The following DISP1 variants were observed in gnomAD, a reference collection of about 807,000 sequenced individuals.
DISP1 encodes the protein dispatched RND transporter family member 1.
Under a neutral mutation model 37.3 loss-of-function variants are expected in DISP1, and 30 were observed. The observed-to-expected ratio is 0.80, with a 90% CI of 0.60 to 1.09. DISP1 has a LOEUF of 1.09. Among genes scored for constraint, DISP1 ranks in the 50% least tolerant of loss-of-function variants. The probability of loss-of-function intolerance (pLI) is 0.00; values close to 1 mark genes in which losing one functional copy is unlikely to be tolerated. For synonymous variants in DISP1, 634 were observed against 690.2 expected (o/e 0.92, Z 1.28); for missense variants, 1,598 against 1,879.5 (o/e 0.85, Z 2.77).
At chr1:222,981,300 G>T (rs1677817246) in intron 3 of DISP1, among the ~76,000 whole-genome samples, 2 of 43,146 alleles carry the variant, frequency 4.6e-5, no homozygotes, top group Non-Finnish European at 1.3e-4. Context: ...CTATTAAGAT[G>T]CTGAGAGACC....
chr1:222,991,919 G>A, intron 6 of DISP1, 94 bp from the exon 7 acceptor site: 1 of 1,005,584 alleles, frequency 9.9e-7, no homozygotes, highest in South Asian at 1.4e-5. Context: ...GGACTAAGCA[G>A]GTCATGGCTT....
chr1:222,936,787 T>A (rs1412977025), intron 2 of DISP1, among the ~76,000 whole-genome samples: 1 of 55,122 alleles, frequency 1.8e-5, no homozygotes, highest in Non-Finnish European at 3.6e-5. Context: ...TCATATATAA[T>A]ATATATAATA....
chr1:222,837,859 G>A (rs1041778086), intron 1 of DISP1, among the ~76,000 whole-genome samples: 3 of 152,072 alleles, frequency 2.0e-5, no homozygotes, highest in Admixed American at 1.3e-4. Context: ...GTTATAAAAC[G>A]TTGTTTCTCA....
Position 222,990,671 on chromosome 1 carries a change from T to A in DISP1, c.586T>A (p.Cys196Ser). The A allele has an allele frequency of 6.2e-7, 1 of 1,614,162 alleles. No homozygotes were observed. The highest frequency in any genetic ancestry group is 2.2e-5 in the East Asian group (1 of 44,872). Reference sequence around the variant, plus strand: ...CTGGCCGGTGGTGGTCTTGGGCATGTGCACCATGTTCATCGTAGTCTGTGC... The same window carrying A: ...CTGGCCGGTGGTGGTCTTGGGCATGAGCACCATGTTCATCGTAGTCTGTGC... The part of the protein sequence containing the change: ...ADWPVVVLGM[C>S]TMFIVVCALV... Residue 196 changes from cysteine to serine, a missense_variant, in exon 5 of 9, where the codon TGC becomes AGC. By Grantham distance (112) the Cys-to-Ser change is moderately radical. Coordinates refer to ENST00000675850, the MANE Select transcript of DISP1 (RefSeq NM_001377229.1).
chr1:222,942,373 A>G (rs1482841910), intron 2 of DISP1, among the ~76,000 whole-genome samples: 1 of 152,146 alleles, frequency 6.6e-6, no homozygotes, highest in Non-Finnish European at 1.5e-5. Flanking sequence ...ACAATGAATT[A>G]CCCTCAGAGT....
chr1:222,923,652 A>G (rs1022481314), intron 1 of DISP1, among the ~76,000 whole-genome samples: 2 of 152,194 alleles, frequency 1.3e-5, no homozygotes, highest in Non-Finnish European at 2.9e-5. Context: ...AGCATGAGAA[A>G]GATTTCCAGC....
chr1:222,905,525 T>G (rs921775277), intron 1 of DISP1, among the ~76,000 whole-genome samples: 1 of 152,236 alleles, frequency 6.6e-6, no homozygotes. Flanking sequence ...ATTGTAAGTA[T>G]ATGTTGGCTA....
At chr1:222,817,018 T>C (rs1380585472) in intron 1 of DISP1, among the ~76,000 whole-genome samples, 1 of 152,236 alleles carries the variant, frequency 6.6e-6, no homozygotes, top group Non-Finnish European at 1.5e-5. Flanking sequence ...GTGCTCGTTG[T>C]TGAAACACAA....
intron 1 of DISP1, among the ~76,000 whole-genome samples, chr1:222,926,566 C>A (rs1327562768): frequency 6.6e-6 from 1 of 152,194 alleles, no homozygotes; most frequent in Admixed American, 6.5e-5. Context: ...ATCAGTTGAT[C>A]AATATATAAC....
At chr1:222,913,213 C>A (rs187209365) in intron 1 of DISP1, among the ~76,000 whole-genome samples, 68 of 152,190 alleles carry the variant, frequency 4.5e-4, no homozygotes, top group Non-Finnish European at 8.5e-4. Flanking sequence ...TAAAGATTTA[C>A]CTATACAATA....
intron 3 of DISP1, among the ~76,000 whole-genome samples, chr1:222,963,892 T>G (rs1676259817): frequency 6.6e-6 from 1 of 151,936 alleles, no homozygotes; most frequent in Non-Finnish European, 1.5e-5. Context: ...TAAAGTAAAT[T>G]TTAAAGAAGA....
chr1:222,986,809 G>C (rs1272315549), intron 4 of DISP1, among the ~76,000 whole-genome samples: 1 of 152,168 alleles, frequency 6.6e-6, no homozygotes, highest in East Asian at 1.9e-4. Flanking sequence ...GGGCCTCCGG[G>C]AAAAGGGTCT....
intron 3 of DISP1, among the ~76,000 whole-genome samples, chr1:222,944,314 A>G (rs1674605108): frequency 6.6e-6 from 1 of 152,134 alleles, no homozygotes; most frequent in South Asian, 2.1e-4. Context: ...ATAGTTTCTC[A>G]TATGTATGAT....
intron 3 of DISP1, among the ~76,000 whole-genome samples, chr1:222,969,339 C>T (rs1162781377): frequency 3.2e-5 from 2 of 61,892 alleles, no homozygotes; most frequent in Admixed American, 2.6e-4. Flanking sequence ...CATTGCACTC[C>T]AGCCTGGGCA....
chr1:222,908,846 T>A (rs1672056258), intron 1 of DISP1, among the ~76,000 whole-genome samples: 1 of 152,084 alleles, frequency 6.6e-6, no homozygotes, highest in Admixed American at 6.5e-5. Context: ...CCCTGATTAA[T>A]TTTTAGTCTT....
chr1:222,968,820 C>G (rs1676695937), intron 3 of DISP1, among the ~76,000 whole-genome samples: 1 of 151,958 alleles, frequency 6.6e-6, no homozygotes, highest in African/African-American at 2.4e-5. Context: ...GTAATCCCAG[C>G]TACTTGGGAG....
chr1:222,942,727 T>G, intron 2 of DISP1, 80 bp from the exon 3 acceptor site: 1 of 1,545,190 alleles, frequency 6.5e-7, no homozygotes, highest in Non-Finnish European at 8.9e-7. Flanking sequence ...CAATGAGCTG[T>G]TTTTAAATAT....
intron 3 of DISP1, among the ~76,000 whole-genome samples, chr1:222,976,687 A>T (rs1677359018): frequency 6.6e-6 from 1 of 152,070 alleles, no homozygotes; most frequent in South Asian, 2.1e-4. Flanking sequence ...TAAATTAGTC[A>T]TAGATCCATG....
intron 1 of DISP1, among the ~76,000 whole-genome samples, chr1:222,907,501 A>C (rs761643098): frequency 2.2e-4 from 33 of 152,250 alleles, no homozygotes; most frequent in Admixed American, 1.8e-3. Context: ...CCTGTGTTTT[A>C]GTGGGCCCTC....
Sources: allele counts gnomAD v4.1 joint callset (sites outside exome capture counted in the v4.1 genomes callset), GRCh38; gene constraint gnomAD v4.1.1; transcripts MANE v1.5; gene names NCBI Gene and HGNC (gene_info 2026-07-23, HGNC 2026-07-21).